Variants in RBBP5 observed in about 807,000 individuals in gnomAD.
The protein encoded by RBBP5 is retinoblastoma-binding protein 5.
A neutral mutation model predicts 72.2 loss-of-function variants in RBBP5; 5 were observed. The observed-to-expected ratio is 0.07, with a 90% CI of 0.04 to 0.15. The LOEUF (loss-of-function observed/expected upper bound fraction) is 0.15. Among genes scored for constraint, RBBP5 ranks in the 10% least tolerant of loss-of-function variants. The pLI is 1.00. For synonymous variants in RBBP5, 209 were observed against 237.2 expected, an observed-to-expected ratio of 0.88 and a Z score of 1.09; for missense variants, 322 against 652.2, an observed-to-expected ratio of 0.49 and a Z score of 5.51.
At chr1:205,089,091 GC>G (rs1655238899) in intron 13 of RBBP5, among the ~76,000 whole-genome samples, 1 of 152,136 alleles carries the variant, frequency 6.6e-6, no homozygotes, top group African/African-American at 2.4e-5. Context: ...TTTTTTCTAA[GC>G]TGCTAACCAT....
chr1:205,121,828 C>G (rs1392637236), intron 1 of RBBP5, 27 bp downstream of exon 1: 1 of 1,612,404 alleles, frequency 6.2e-7, no homozygotes, highest in Non-Finnish European at 8.5e-7. Flanking sequence ...CAACGCTTCT[C>G]TAAAACGCAG....
intron 3 of RBBP5, 75 bp from the exon 4 acceptor site, chr1:205,105,243 T>C: frequency 6.6e-7 from 1 of 1,506,324 alleles, no homozygotes; most frequent in Non-Finnish European, 9.1e-7. Context: ...ACTGTGTAAG[T>C]CACACACATT....
chr1:205,093,533 T>A (rs12060550), intron 13 of RBBP5, among the ~76,000 whole-genome samples: 1 of 4,876 alleles, frequency 2.1e-4, no homozygotes, highest in African/African-American at 5.8e-4. Flanking sequence ...TATATATATA[T>A]ACACACACAC....
chr1:205,088,871 T>C lies in RBBP5; in HGVS notation c.1589-56A>G. ...TTAGCTTCAATTTAGACCAGTTACT[T>C]GTAAGAACAGAAATACTGAATGCTG... On this transcript the variant is annotated intron_variant, in intron 13 of 13. Transcript: ENST00000264515. 4 of 1,465,794 alleles carry C rather than the reference T, an allele frequency of 2.7e-6. No homozygotes were observed. In the South Asian group the frequency reaches 3.8e-5, roughly 14 times the overall value. 90.8% of individuals were successfully genotyped at this position (1,465,794 alleles called of 1,614,324 possible).
chr1:205,103,300 A>AAAAAAT (rs1036003393), intron 5 of RBBP5, among the ~76,000 whole-genome samples: 1 of 152,174 alleles, frequency 6.6e-6, no homozygotes, highest in South Asian at 2.1e-4. Context: ...TGCCACAGTC[A>AAAAAAT]AAAAATAAAA....
rs185480599 is a variant in RBBP5 at position 205,110,925 on chromosome 1, G to T, written c.218+3864C>A. Among the ~76,000 whole-genome samples, 182 of 152,168 alleles carry T rather than the reference G, an allele frequency of 1.2e-3. 1 individual carries two copies. The highest frequency in any genetic ancestry group is 4.2e-3 in the African/African-American group (173 of 41,532). ...CTAAAAATACAAAACTTAGCCGGGC[G>T]TGGTGGCCTGCTTCTGTAATCCCAG... On this transcript the variant is annotated intron_variant, in intron 3 of 13. Transcript: ENST00000264515.
chr1:205,090,055 T>C (rs914903199), intron 13 of RBBP5, among the ~76,000 whole-genome samples: 2 of 152,188 alleles, frequency 1.3e-5, no homozygotes, highest in Admixed American at 1.3e-4. Flanking sequence ...GGTTTCACCA[T>C]GTTGGCCAGA....
At chr1:205,111,573 T>C (rs1009458331) in intron 3 of RBBP5, among the ~76,000 whole-genome samples, 5 of 152,212 alleles carry the variant, frequency 3.3e-5, no homozygotes, top group African/African-American at 1.2e-4. Flanking sequence ...ATCAAATTAA[T>C]GACTAAGTCC....
intron 13 of RBBP5, chr1:205,091,565 C>G (rs1316576007): frequency 1.3e-5 from 2 of 152,206 alleles, no homozygotes; most frequent in Non-Finnish European, 2.9e-5. Context: ...CTATAGTGGT[C>G]TCTCTGCCAA....
At chr1:205,101,255 ATAGGCAG>A (rs1296720727) in intron 6 of RBBP5, among the ~76,000 whole-genome samples, 1 of 152,234 alleles carries the variant, frequency 6.6e-6, no homozygotes. Flanking sequence ...AAAAGGGTAA[ATAGGCAG>A]TATTCAGTTA....
intron 3 of RBBP5, among the ~76,000 whole-genome samples, chr1:205,107,694 C>T (rs1656128469): frequency 6.6e-6 from 1 of 152,094 alleles, no homozygotes; most frequent in Admixed American, 6.5e-5. Flanking sequence ...GCCTATAATC[C>T]CAGTACTTTG....
chr1:205,090,934 TA>T (rs58545907), intron 13 of RBBP5, among the ~76,000 whole-genome samples: 2,556 of 144,762 alleles, frequency 0.018, 24 homozygotes, highest in Non-Finnish European at 0.028. Context: ...TACCAAGCAT[TA>T]AAAAAAAAAA....
At chr1:205,108,940 G>C (rs1656192144) in intron 3 of RBBP5, among the ~76,000 whole-genome samples, 1 of 152,148 alleles carries the variant, frequency 6.6e-6, no homozygotes, top group Admixed American at 6.5e-5. Context: ...TACATAATAA[G>C]TGCTCAATGC....
intron 11 of RBBP5, 75 bp downstream of exon 11, chr1:205,097,251 G>T (rs1035832171): frequency 2.5e-5 from 35 of 1,374,580 alleles, no homozygotes; most frequent in Non-Finnish European, 3.5e-5. Context: ...GGGATAGCCA[G>T]GGAAACTGCA....
intron 5 of RBBP5, among the ~76,000 whole-genome samples, chr1:205,103,430 A>T (rs1655926981): frequency 6.6e-6 from 1 of 152,178 alleles, no homozygotes; most frequent in Non-Finnish European, 1.5e-5. Context: ...TATTCCAGAG[A>T]AAAGGGCCTA....
At chr1:205,101,422 G>C (rs1186423314) in intron 6 of RBBP5, among the ~76,000 whole-genome samples, 178 bp downstream of exon 6, 2 of 152,208 alleles carry the variant, frequency 1.3e-5, no homozygotes, top group African/African-American at 2.4e-5. Flanking sequence ...TAAGGAAGAT[G>C]TAACTACGGC....
In RBBP5 at chr1:205,100,230, T is replaced by A; in HGVS notation, c.674A>T (p.Tyr225Phe). 1 of 1,614,162 alleles carries A rather than the reference T, an allele frequency of 6.2e-7. No individual in the cohort carries two copies. The highest frequency in any genetic ancestry group is 8.5e-7 in the Non-Finnish European group (1 of 1,180,024). Residue 225 changes from tyrosine (Y) to phenylalanine (F), a missense_variant, in exon 7 of 14, where the codon TAT becomes TTT. Tyr to Phe is a conservative substitution (Grantham distance 22). Coordinates refer to ENST00000264515, the MANE Select transcript of RBBP5 (RefSeq NM_005057.4). ...ACATGTTAAGATTTCTCTGCCATCA[T>A]AAACTCTGATTATTCGATCTGCCGT... Reference protein sequence around the residue: ...INTADRIIRVYDGREILTCGR... With the variant: ...INTADRIIRVFDGREILTCGR...
At chr1:205,121,822 G>T (rs1488261266) in intron 1 of RBBP5, 33 bp downstream of exon 1, 7 of 1,612,100 alleles carry the variant, frequency 4.3e-6, no homozygotes, top group Middle Eastern at 1.7e-4. Context: ...AGTACCCAAC[G>T]CTTCTCTAAA....
At position 205,094,879 on chromosome 1, in the gene RBBP5, A is replaced by C; in HGVS notation, c.1582T>G (p.Leu528Val). 6.2e-7 allele frequency: 1 copy of C among 1,613,492 alleles called. No individual in the cohort carries two copies. The highest frequency in any genetic ancestry group is 2.2e-5 in the East Asian group (1 of 44,862). The change falls in exon 13 of 14, where the codon TTG (leucine) becomes GTG (valine). Residue 528 changes from leucine to valine, a missense_variant. Physicochemically the swap from Leu to Val is conservative, Grantham distance 32. Coordinates refer to ENST00000264515, the MANE Select transcript of RBBP5 (RefSeq NM_005057.4). ...GKVQAELSQP[L>V]TAGGAISELL ...GCTCCCAATGTGTCCTTACCTGTCA[A>C]GGGCTGGCTGAGTTCCGCCTGCACT...
Sources: gnomAD v4.1 joint callset for allele counts (sites outside exome capture counted in the v4.1 genomes callset) on GRCh38, gnomAD v4.1.1 for gene constraint, MANE v1.5 for transcripts, NCBI Gene and HGNC (gene_info 2026-07-23, HGNC 2026-07-21) for gene names.